Variants in CHI3L1 observed in about 807,000 individuals in gnomAD.
The protein encoded by CHI3L1 is chitinase 3 like 1.
In CHI3L1, 30 loss-of-function variants were observed where a neutral mutation model predicts 40.7. That is an observed-to-expected ratio of 0.74 (90% CI 0.55 to 1.00). The LOEUF is 1.00. Ranked by LOEUF, CHI3L1 falls within the 50% of genes least tolerant of loss-of-function variation. CHI3L1 has a pLI of 0.00. For missense variants in CHI3L1, 493 were observed against 492.2 expected (o/e 1.00, Z -0.01); for synonymous variants, 210 against 192.1 (o/e 1.09, Z -0.77).
rs975596018 is a variant in CHI3L1, at chr1:203,180,256, G to A, written c.894+214C>T. 3 of 576,346 alleles carry A rather than the reference G, an allele frequency of 5.2e-6. No individual in the cohort carries two copies. In the African/African-American group the frequency reaches 5.6e-5, roughly 11 times the overall value. The allele number at this position is 576,346 out of a possible 1,614,324, so 35.7% of individuals were successfully genotyped here. ...GCCCCATAGCCAGAGGGCTATCCCA[G>A]GTGCCTAGTGGTGCAGGCCCATGTG... On this transcript the variant is annotated intron_variant, in intron 8 of 9. Coordinates refer to ENST00000255409, the MANE Select transcript of CHI3L1 (RefSeq NM_001276.4).
intron 6 of CHI3L1, among the ~76,000 whole-genome samples, chr1:203,182,414 T>C (rs1174843551): frequency 1.3e-5 from 2 of 152,250 alleles, no homozygotes; most frequent in Non-Finnish European, 2.9e-5. Flanking sequence ...GAAAATACTC[T>C]GCAATAGCTG....
intron 4 of CHI3L1, 79 bp downstream of exon 4, chr1:203,184,497 C>A: frequency 8.6e-7 from 1 of 1,162,472 alleles, no homozygotes; most frequent in South Asian, 1.2e-5. Flanking sequence ...AACATCCATA[C>A]AGTGGATGCG....
rs1480098268 is a variant in CHI3L1, at chr1:203,185,190, T to C, written c.251A>G (p.Lys84Arg). The C allele has an allele frequency of 1.2e-6, 2 of 1,613,658 alleles. No individual in the cohort carries two copies. The highest frequency in any genetic ancestry group is 8.5e-7 in the Non-Finnish European group (1 of 1,179,808). Residue 84 changes from lysine (K) to arginine (R), a missense_variant, in exon 3 of 10, where the codon AAG becomes AGG. Physicochemically the swap from Lys to Arg is conservative, Grantham distance 26. Transcript: ENST00000255409. ...TGGCCAGCCCTGGCCCAACCTGTTCTTGAGTGTGTTGAGCATGCCGTAGAG... is the reference window on the plus strand; with the variant it reads ...TGGCCAGCCCTGGCCCAACCTGTTCCTGAGTGTGTTGAGCATGCCGTAGAG... The part of the protein sequence containing the change: ...VTLYGMLNTL[K>R]NRNPNLKTLL...
In CHI3L1 at chr1:203,179,258, T is replaced by A; in HGVS notation, c.*187A>T. 1 of 514,666 alleles carries A rather than the reference T, an allele frequency of 1.9e-6. No individual in the cohort carries two copies. Among genetic ancestry groups the A allele is most frequent in the South Asian group, 4.3e-5 (1 of 23,190 alleles). The allele number at this position is 514,666 out of a possible 1,614,324, so 31.9% of individuals were successfully genotyped here. A position where few individuals can be genotyped will look rare whatever the true frequency, so the allele number is the denominator to read the frequency against. On this transcript the variant is annotated 3_prime_UTR_variant, in exon 10 of 10. Coordinates refer to ENST00000255409, the MANE Select transcript of CHI3L1 (RefSeq NM_001276.4). Reference sequence around the variant, plus strand: ...ATGCCTCACTATCCCCACAGCCCCATCCCTACCTCTCTGCCCACCAGGGCT... The same window carrying A: ...ATGCCTCACTATCCCCACAGCCCCAACCCTACCTCTCTGCCCACCAGGGCT...
intron 3 of CHI3L1, 21 bp from the exon 4 acceptor site, chr1:203,184,653 G>A: frequency 6.2e-7 from 1 of 1,608,600 alleles, no homozygotes; most frequent in Non-Finnish European, 8.5e-7. Context: ...CAGGGAGGTG[G>A]GGAGGGCAGG....
At chr1:203,186,225 G>A (rs1478910930) in intron 2 of CHI3L1, 91 bp downstream of exon 2, 1 of 1,386,224 alleles carries the variant, frequency 7.2e-7, no homozygotes, top group Admixed American at 2.0e-5. Flanking sequence ...ACCTGGCAAA[G>A]TGTTCCCTTG....
chr1:203,183,728 A>C lies in CHI3L1; in HGVS notation c.378T>G (p.Phe126Leu). 6.2e-7 allele frequency: 1 copy of C among 1,614,206 alleles called. No individual in the cohort carries two copies. Among genetic ancestry groups the C allele is most frequent in the Non-Finnish European group, 8.5e-7 (1 of 1,180,022 alleles). The change falls in exon 5 of 10, where the codon TTT (phenylalanine) becomes TTG (leucine). Residue 126 changes from phenylalanine to leucine, a missense_variant. Transcript: ENST00000255409. Reference protein sequence around the residue: ...RRTFIKSVPPFLRTHGFDGLD... With the variant: ...RRTFIKSVPPLLRTHGFDGLD... ...GCCCATCAAAGCCATGGGTGCGCAG[A>C]AATGGCGGTACTGACTTGATGAAAG... is the stretch of plus-strand genomic sequence containing the variant.
At position 203,183,649 on chromosome 1, in the gene CHI3L1, G is replaced by T; in HGVS notation, c.457C>A (p.Leu153Ile). Reference sequence around the variant, plus strand: ...CCTGACCTGACCAGCACCTTGATTAGGGTGGTAAAATGCTGTTTGTCTCTC... The same window carrying T: ...CCTGACCTGACCAGCACCTTGATTATGGTGGTAAAATGCTGTTTGTCTCTC... ...GRRDKQHFTT[L>I]IKEMKAEFIK... Residue 153 changes from leucine (L) to isoleucine (I), a missense_variant, in exon 5 of 10, where the codon CTA becomes ATA. By Grantham distance (5) the Leu-to-Ile change is conservative. Transcript: ENST00000255409. 1.2e-6 allele frequency: 2 copies of T among 1,614,094 alleles called. No individual in the cohort carries two copies. Among genetic ancestry groups the T allele is most frequent in the Non-Finnish European group, 1.7e-6 (2 of 1,180,006 alleles).
rs1475100124 is a variant in CHI3L1, at chr1:203,179,569, T to C, written c.1028A>G (p.Asp343Gly). The C allele has an allele frequency of 6.2e-7, 1 of 1,609,776 alleles. No homozygotes were observed. ...SVKSKVQYLK[D>G]RQLAGAMVWA... is the part of the protein sequence containing the mutation. ...TACCATGGCGCCCGCCAGCTGCCTG[T>C]CCTTCAGGTACTGCACCTGGCAGGG... is the stretch of plus-strand genomic sequence containing the variant. The change falls in exon 10 of 10, where the codon GAC (aspartate) becomes GGC (glycine). Residue 343 changes from aspartate (D) to glycine (G), a missense_variant. Physicochemically the swap from Asp to Gly is moderately conservative, Grantham distance 94. Coordinates refer to ENST00000255409, the MANE Select transcript of CHI3L1 (RefSeq NM_001276.4).
chr1:203,186,591 C>T lies in CHI3L1; in HGVS notation c.25+8G>A. On this transcript the variant is annotated splice_region_variant and intron_variant, in intron 1 of 9. Coordinates refer to ENST00000255409, the MANE Select transcript of CHI3L1 (RefSeq NM_001276.4). ...CTCTGATGGATTAACCTTGGCTAGC[C>T]CAGATACCTGTTTGAGACGCCTTCA... The T allele has an allele frequency of 6.2e-7, 1 of 1,614,098 alleles. No individual in the cohort carries two copies. Among genetic ancestry groups the T allele is most frequent in the Non-Finnish European group, 8.5e-7 (1 of 1,180,018 alleles).
At chr1:203,181,122 T>C in intron 7 of CHI3L1, 40 bp downstream of exon 7, 1 of 1,608,900 alleles carries the variant, frequency 6.2e-7, no homozygotes, top group Non-Finnish European at 8.5e-7. Flanking sequence ...TGGCAGGTCT[T>C]GCGGCCCCCT....
chr1:203,185,910 C>T (rs568324361), intron 2 of CHI3L1, among the ~76,000 whole-genome samples: 37 of 152,248 alleles, frequency 2.4e-4, no homozygotes, highest in African/African-American at 7.9e-4. Context: ...TCCTGTGCTC[C>T]CTCGGCATGT....
At chr1:203,180,368 C>T in intron 8 of CHI3L1, 102 bp downstream of exon 8, 1 of 1,139,412 alleles carries the variant, frequency 8.8e-7, no homozygotes, top group East Asian at 2.5e-5. Context: ...CGGACATTTT[C>T]TTTATTCCCA....
chr1:203,186,185 C>T (rs1656051216), intron 2 of CHI3L1, 131 bp downstream of exon 2: 2 of 930,292 alleles, frequency 2.1e-6, no homozygotes, highest in Non-Finnish European at 3.4e-6. Context: ...GCAAACGTGA[C>T]TATTTCGAAG....
intron 2 of CHI3L1, among the ~76,000 whole-genome samples, chr1:203,186,026 T>C (rs778848208): frequency 6.6e-6 from 1 of 152,220 alleles, no homozygotes; most frequent in Non-Finnish European, 1.5e-5. Flanking sequence ...TCCAAGCAGC[T>C]ACTGGGCAAC....
Position 203,179,195 on chromosome 1 carries a change from A to C in CHI3L1, c.*250T>G. ...TGGGGATCTGTAAACATTTCCATTA[A>C]TCAACAAGTGTGTACTAATCCCGAG... On this transcript the variant is annotated 3_prime_UTR_variant, in exon 10 of 10. Coordinates refer to ENST00000255409, the MANE Select transcript of CHI3L1 (RefSeq NM_001276.4). 2.8e-6 allele frequency: 1 copy of C among 358,470 alleles called. No homozygotes were observed. 22.2% of individuals were successfully genotyped at this position (358,470 alleles called of 1,614,324 possible).
chr1:203,185,511 A>T (rs1656038992), intron 2 of CHI3L1, 126 bp from the exon 3 acceptor site: 2 of 738,592 alleles, frequency 2.7e-6, no homozygotes, highest in Non-Finnish European at 4.6e-6. Context: ...ATTGTGAGCA[A>T]AGTCAGAATT....
In CHI3L1 at chr1:203,179,517, C is replaced by G. The variant is rs754908889; in HGVS notation, c.1080G>C (p.Gln360His). 2.5e-6 allele frequency: 4 copies of G among 1,592,290 alleles called. No individual in the cohort carries two copies. The highest frequency in any genetic ancestry group is 3.4e-6 in the Non-Finnish European group (4 of 1,167,152). The stretch of plus-strand genomic sequence containing the variant: ...GCAGATCCTGGCCACAGAAGGAGCC[C>G]TGGAAGTCATCCAGGTCCAGGGCCC... ...MVWALDLDDF[Q>H]GSFCGQDLRF... The change falls in exon 10 of 10, where the codon CAG (glutamine) becomes CAC (histidine). Residue 360 changes from glutamine to histidine, a missense_variant. Physicochemically the swap from Gln to His is conservative, Grantham distance 24. Transcript: ENST00000255409.
intron 1 of CHI3L1, 120 bp from the exon 2 acceptor site, chr1:203,186,465 C>T (rs1656058189): frequency 4.8e-6 from 7 of 1,468,990 alleles, no homozygotes; most frequent in East Asian, 4.6e-5. Flanking sequence ...AGCCTCAGTC[C>T]CTCCCCTGGC....
Sources: allele counts gnomAD v4.1 joint callset (sites outside exome capture counted in the v4.1 genomes callset), GRCh38; gene constraint gnomAD v4.1.1; transcripts MANE v1.5; gene names NCBI Gene and HGNC (gene_info 2026-07-23, HGNC 2026-07-21).